CSNK1G3: variants seen among roughly 807,000 people sequenced by gnomAD.
CSNK1G3 encodes the protein casein kinase I isoform gamma-3.
A neutral mutation model predicts 64.3 loss-of-function variants in CSNK1G3; 23 were observed. That is an observed-to-expected ratio of 0.36 (90% CI 0.26 to 0.51). CSNK1G3 has a LOEUF of 0.51. Among genes scored for constraint, CSNK1G3 ranks in the 20% least tolerant of loss-of-function variants. The probability of loss-of-function intolerance (pLI) is 0.96; values close to 1 mark genes in which losing one functional copy is unlikely to be tolerated. For synonymous variants in CSNK1G3, 158 were observed against 162.2 expected (o/e 0.97, Z 0.20); for missense variants, 357 against 510.5 (o/e 0.70, Z 2.90).
chr5:123,515,092 A>G (rs1218381447), intron 1 of CSNK1G3, among the ~76,000 whole-genome samples: 2 of 152,184 alleles, frequency 1.3e-5, no homozygotes, highest in Non-Finnish European at 2.9e-5. Context: ...GCATTTAAAT[A>G]TGGGTGTGTC....
At chr5:123,560,356 A>G (rs1026621283) in intron 4 of CSNK1G3, among the ~76,000 whole-genome samples, 1 of 152,220 alleles carries the variant, frequency 6.6e-6, no homozygotes, top group Non-Finnish European at 1.5e-5. Context: ...TGATCTAGCA[A>G]TTCCACTTCT....
Position 123,593,186 on chromosome 5 carries a change from G to GT in CSNK1G3, c.1086+1772_1086+1773insT, listed in dbSNP as rs1792733632. On this transcript the variant is annotated intron_variant, in intron 10 of 12. Coordinates refer to ENST00000345990, the Ensembl canonical transcript of CSNK1G3. ...CAGTCCTTGCACTAAATGTAGGGTG[G>GT]GTGTGTGTGTATATATACACACACA... Among the ~76,000 whole-genome samples, 7 of 136,150 alleles carry GT rather than the reference G, an allele frequency of 5.1e-5. No homozygotes were observed. In the South Asian group the frequency reaches 1.6e-3, roughly 31 times the overall value. 89.3% of individuals were successfully genotyped at this position (136,150 alleles called of 152,430 possible).
At chr5:123,548,010 T>C (rs1782878592) in intron 2 of CSNK1G3, among the ~76,000 whole-genome samples, 1 of 152,194 alleles carries the variant, frequency 6.6e-6, no homozygotes, top group Non-Finnish European at 1.5e-5. Flanking sequence ...TTACTGGTAC[T>C]GAAATTTTAT....
intron 4 of CSNK1G3, among the ~76,000 whole-genome samples, chr5:123,561,105 T>G (rs1266341855): frequency 6.6e-6 from 1 of 152,228 alleles, no homozygotes; most frequent in African/African-American, 2.4e-5. Context: ...CCATGTTTCT[T>G]TCCTTTATGT....
chr5:123,588,044 A>G, intron 6 of CSNK1G3, 24 bp from the exon 7 acceptor site: 1 of 1,438,442 alleles, frequency 7.0e-7, no homozygotes, highest in East Asian at 2.4e-5. Flanking sequence ...GAAAAGTGAA[A>G]TTTATATTTC....
intron 4 of CSNK1G3, among the ~76,000 whole-genome samples, chr5:123,560,221 A>G (rs143874102): frequency 5.7e-4 from 87 of 152,330 alleles, no homozygotes; most frequent in African/African-American, 2.0e-3. Flanking sequence ...CAATACACAG[A>G]AAGCAAGTGT....
At chr5:123,552,493 T>C (rs995795900) in intron 2 of CSNK1G3, among the ~76,000 whole-genome samples, 5 of 152,222 alleles carry the variant, frequency 3.3e-5, no homozygotes, top group Non-Finnish European at 7.3e-5. Context: ...GTGATAAATA[T>C]TCTTTCTTGT....
exon 2 of CSNK1G3, chr5:123,545,631 A>G (rs1020805974): frequency 1.3e-6 from 2 of 1,585,576 alleles, no homozygotes; most frequent in Admixed American, 1.7e-5. Flanking sequence ...TGTCTTGATT[A>G]AAGAATTCAA....
chr5:123,532,995 T>G (rs1039206361), intron 1 of CSNK1G3, among the ~76,000 whole-genome samples: 4 of 151,924 alleles, frequency 2.6e-5, no homozygotes. Context: ...GTCAAATTTT[T>G]GTATTATCTT....
chr5:123,534,996 C>T (rs930278141), intron 1 of CSNK1G3, among the ~76,000 whole-genome samples: 6 of 152,128 alleles, frequency 3.9e-5, no homozygotes, highest in African/African-American at 1.4e-4. Flanking sequence ...TTTAAAAGCA[C>T]GACCGTGAAA....
At chr5:123,542,887 T>TGTGTGTGTGTGTGTGTG (rs1554070088) in intron 1 of CSNK1G3, among the ~76,000 whole-genome samples, 2 of 150,556 alleles carry the variant, frequency 1.3e-5, no homozygotes, top group African/African-American at 4.9e-5. Context: ...TGTGTGTGTG[T>TGTGTGTGTGTGTGTGTG]TTACCAAATT....
At chr5:123,543,426 A>G (rs377650411) in intron 1 of CSNK1G3, among the ~76,000 whole-genome samples, 1 of 152,090 alleles carries the variant, frequency 6.6e-6, no homozygotes, top group African/African-American at 2.4e-5. Context: ...TTAACACTGT[A>G]GTAACTATTT....
intron 12 of CSNK1G3, among the ~76,000 whole-genome samples, chr5:123,612,823 C>A (rs1381621923): frequency 6.6e-6 from 1 of 152,086 alleles, no homozygotes; most frequent in Non-Finnish European, 1.5e-5. Context: ...ATAGAAACAT[C>A]TTTATAAGGG....
At chr5:123,570,442 C>G (rs1397220722) in intron 4 of CSNK1G3, among the ~76,000 whole-genome samples, 1 of 151,460 alleles carries the variant, frequency 6.6e-6, no homozygotes, top group Non-Finnish European at 1.5e-5. Flanking sequence ...CAACCTCCAC[C>G]TCCTGGGTTC....
At chr5:123,531,816 A>G (rs1779981315) in intron 1 of CSNK1G3, among the ~76,000 whole-genome samples, 2 of 152,056 alleles carry the variant, frequency 1.3e-5, no homozygotes, top group African/African-American at 4.8e-5. Flanking sequence ...TAAAGAGGCA[A>G]TATCTCTTGT....
At chr5:123,586,049 C>G (rs1791264371) in intron 6 of CSNK1G3, among the ~76,000 whole-genome samples, 1 of 152,190 alleles carries the variant, frequency 6.6e-6, no homozygotes, top group South Asian at 2.1e-4. Context: ...ATTCAAATGT[C>G]TGTCAACAGA....
intron 12 of CSNK1G3, among the ~76,000 whole-genome samples, chr5:123,607,750 T>TA (rs747183787): frequency 1.5e-4 from 23 of 152,264 alleles, no homozygotes; most frequent in Middle Eastern, 3.4e-3. Context: ...ATGGTTGTTT[T>TA]AAAAAAAGTA....
chr5:123,568,094 G>C (rs1787290311), intron 4 of CSNK1G3, among the ~76,000 whole-genome samples: 1 of 152,200 alleles, frequency 6.6e-6, no homozygotes, highest in South Asian at 2.1e-4. Flanking sequence ...TTCAACTTTT[G>C]AAGCGTTGGC....
At chr5:123,538,940 A>C (rs1781253324) in intron 1 of CSNK1G3, among the ~76,000 whole-genome samples, 1 of 152,176 alleles carries the variant, frequency 6.6e-6, no homozygotes, top group Admixed American at 6.6e-5. Flanking sequence ...TTAAGATAGC[A>C]AAGATACCCC....
Sources: gnomAD v4.1 joint callset for allele counts (sites outside exome capture counted in the v4.1 genomes callset) on GRCh38, gnomAD v4.1.1 for gene constraint, MANE v1.5 for transcripts, NCBI Gene and HGNC (gene_info 2026-07-23, HGNC 2026-07-21) for gene names.